Variants in ADGRE3 observed in about 807,000 individuals in gnomAD.
The protein encoded by ADGRE3 is EGF-like module receptor 3.
ADGRE3 carries 88 observed loss-of-function variants against 80.1 expected under a neutral mutation model. The ratio of observed to expected loss-of-function variants is 1.10; its 90% confidence interval spans 0.93 to 1.31. The LOEUF is 1.31. ADGRE3 is among the 40% of genes most tolerant of loss of function. The pLI, the probability that ADGRE3 is intolerant of heterozygous loss-of-function variation, is 0.00. For missense variants in ADGRE3, 715 were observed against 776.5 expected (o/e 0.92, Z 0.94); for synonymous variants, 281 against 294.8 (o/e 0.95, Z 0.48).
intron 11 of ADGRE3, among the ~76,000 whole-genome samples, chr19:14,637,393 C>CTT (rs34233724): frequency 0.096 from 12,239 of 127,408 alleles, 764 homozygotes; most frequent in African/African-American, 0.17. Flanking sequence ...TTTTTAAGCT[C>CTT]TTTTTTTTTT....
intron 14 of ADGRE3, among the ~76,000 whole-genome samples, chr19:14,629,100 T>A (rs1049168924): frequency 1.3e-5 from 2 of 151,942 alleles, no homozygotes; most frequent in Admixed American, 1.3e-4. Context: ...GTTTTGTAGT[T>A]TTTAGTAGAG....
chr19:14,613,558 G>GT, the ADGRE3 span, among the ~76,000 whole-genome samples: 1 of 152,180 alleles, frequency 6.6e-6, no homozygotes, highest in Non-Finnish European at 1.5e-5. Flanking sequence ...AATCTTTCCT[G>GT]TTTTGTCTGA....
intron 5 of ADGRE3, among the ~76,000 whole-genome samples, chr19:14,657,743 A>ATG (rs368474694): frequency 1.6e-3 from 137 of 86,588 alleles, no homozygotes; most frequent in Non-Finnish European, 2.6e-3. Flanking sequence ...ATATATATAT[A>ATG]TATTTTTTTG....
downstream of ADGRE3, among the ~76,000 whole-genome samples, chr19:14,617,464 A>G (rs1210580651): frequency 2.0e-5 from 3 of 149,672 alleles, no homozygotes; most frequent in African/African-American, 7.4e-5. Context: ...ATGGCATGAT[A>G]TTGACTCACT....
downstream of ADGRE3, among the ~76,000 whole-genome samples, chr19:14,615,081 G>A (rs565154206): frequency 6.6e-6 from 1 of 152,066 alleles, no homozygotes; most frequent in Admixed American, 6.6e-5. Flanking sequence ...TGGGCAAACT[G>A]AGGCCCAGAG....
chr19:14,633,823 T>C (rs1433331121), intron 11 of ADGRE3, among the ~76,000 whole-genome samples: 9 of 140,978 alleles, frequency 6.4e-5, no homozygotes, highest in Admixed American at 1.5e-4. Flanking sequence ...GTTGCCCAGG[T>C]TGGAGTGCAG....
intron 4 of ADGRE3, among the ~76,000 whole-genome samples, chr19:14,661,295 G>A (rs1043104920): frequency 4.6e-5 from 7 of 152,200 alleles, no homozygotes; most frequent in African/African-American, 1.7e-4. Context: ...CCAGCCTGCA[G>A]TGAAAGAGAA....
chr19:14,633,054 A>C, intron 12 of ADGRE3, 42 bp from the exon 13 acceptor site: 1 of 1,479,780 alleles, frequency 6.8e-7, no homozygotes, highest in Non-Finnish European at 9.4e-7. Flanking sequence ...AAGTTAAAGT[A>C]ATGTATGGTG....
Position 14,641,468 on chromosome 19 carries a change from A to T in ADGRE3, c.1199T>A (p.Phe400Tyr). The T allele has an allele frequency of 6.2e-7, 1 of 1,614,160 alleles. No individual in the cohort carries two copies. The highest frequency in any genetic ancestry group is 1.1e-5 in the South Asian group (1 of 91,082). ...SLHLQLSLCL[F>Y]LAHLLFLVGI... ...CACGAGGAAGAGGAGGTGGGCCAGG[A>T]AGAGGCAGAGCGAGAGCTGCAGATG... is the stretch of plus-strand genomic sequence containing the variant. Residue 400 changes from phenylalanine to tyrosine, a missense_variant, in exon 10 of 16, where the codon TTC (phenylalanine) becomes TAC (tyrosine). Transcript: ENST00000253673.
intron 15 of ADGRE3, among the ~76,000 whole-genome samples, chr19:14,620,537 T>TATATATATATAA (rs1415988959): frequency 5.4e-5 from 1 of 18,448 alleles, no homozygotes; most frequent in African/African-American, 3.1e-4. Flanking sequence ...TATATATATT[T>TATATATATATAA]TATATATATA....
Position 14,661,971 on chromosome 19 carries a change from G to T in ADGRE3, c.347C>A (p.Thr116Asn), listed in dbSNP as rs371039028. ...NEQFSNSNEN[T>N]CQDTTSSKTT... ...GACAAAAATGTTCTTACCCTGACAGGTGTTCTCATTGGAATTACTGAATTG... is the reference window on the plus strand; with the variant it reads ...GACAAAAATGTTCTTACCCTGACAGTTGTTCTCATTGGAATTACTGAATTG... Residue 116 changes from threonine to asparagine, a missense_variant, in exon 4 of 16, where the codon ACC (threonine) becomes AAC (asparagine). Physicochemically the swap from Thr to Asn is moderately conservative, Grantham distance 65 (BLOSUM62 0). Transcript: ENST00000253673. The T allele has an allele frequency of 6.2e-7, 1 of 1,614,100 alleles. No individual in the cohort carries two copies.
chr19:14,674,744 A>G lies in ADGRE3; in HGVS notation c.25+2T>C. ...CTCAGTCATTGTTACAGTCACACAT[A>G]CCTGGAAGAAGCAATGGTCCCTGCA... On this transcript the variant is annotated splice_donor_variant, in intron 1 of 15. Transcript: ENST00000253673. LOFTEE classifies it high-confidence loss of function. 1 of 1,613,824 alleles carries G rather than the reference A, an allele frequency of 6.2e-7. No individual in the cohort carries two copies. The highest frequency in any genetic ancestry group is 8.5e-7 in the Non-Finnish European group (1 of 1,179,874).
chr19:14,653,461 A>G (rs1319239858), intron 6 of ADGRE3, among the ~76,000 whole-genome samples: 1 of 152,014 alleles, frequency 6.6e-6, no homozygotes, highest in Non-Finnish European at 1.5e-5. Flanking sequence ...AAGATAGAAT[A>G]ATCATAATTA....
chr19:14,610,313 A>G, the ADGRE3 span: 2 of 1,411,316 alleles, frequency 1.4e-6, no homozygotes, highest in Non-Finnish European at 1.9e-6. Flanking sequence ...TGCCTCAAAC[A>G]GGATTGGCAC....
At position 14,641,627 on chromosome 19, in the gene ADGRE3, G is replaced by A. The variant is rs1305209254; in HGVS notation, c.1051-11C>T. 6.2e-7 allele frequency: 1 copy of A among 1,613,608 alleles called. No homozygotes were observed. The highest frequency in any genetic ancestry group is 8.5e-7 in the Non-Finnish European group (1 of 1,179,832). Reference sequence around the variant, plus strand: ...CACGGGATCCTCCTCCTGGGACCGAGAAAAAAAGTTCACAGTGATGCTTTC... The same window carrying A: ...CACGGGATCCTCCTCCTGGGACCGAAAAAAAAAGTTCACAGTGATGCTTTC... On this transcript the variant is annotated splice_polypyrimidine_tract_variant and intron_variant, in intron 9 of 15. Transcript: ENST00000253673.
chr19:14,664,956 C>T (rs757545417), intron 2 of ADGRE3, among the ~76,000 whole-genome samples: 14 of 151,342 alleles, frequency 9.3e-5, no homozygotes, highest in Non-Finnish European at 5.9e-5. Flanking sequence ...TTTTTCTTTA[C>T]GTTATAGGAA....
At chr19:14,609,779 A>G in the ADGRE3 span, among the ~76,000 whole-genome samples, 8 of 152,026 alleles carry the variant, frequency 5.3e-5, no homozygotes, top group South Asian at 1.7e-3. Context: ...CAGAGGTTGC[A>G]GTGAGCCGAG....
Position 14,644,304 on chromosome 19 carries a change from T to C in ADGRE3, c.883-29A>G, listed in dbSNP as rs995496553. The C allele has an allele frequency of 2.8e-6, 4 of 1,409,316 alleles. No homozygotes were observed. In the African/African-American group the frequency reaches 4.5e-5, roughly 16 times the overall value. 87.3% of individuals were successfully genotyped at this position (1,409,316 alleles called of 1,614,324 possible). On this transcript the variant is annotated intron_variant, in intron 8 of 15. Coordinates refer to ENST00000253673, the MANE Select transcript of ADGRE3 (RefSeq NM_032571.5). ...AAAATAGAAAATAGAAAGGGCTCATTGTCTTTGTCTTTCTTTCTTTCTTTT... is the reference window on the plus strand; with the variant it reads ...AAAATAGAAAATAGAAAGGGCTCATCGTCTTTGTCTTTCTTTCTTTCTTTT...
At chr19:14,620,548 T>TAATATATATATATAATATATA in intron 15 of ADGRE3, among the ~76,000 whole-genome samples, 1 of 24,982 alleles carries the variant, frequency 4.0e-5, no homozygotes. Flanking sequence ...TATATATATA[T>TAATATATATATATAATATATA]TATATATATA....
Sources: gnomAD v4.1 joint callset for allele counts (sites outside exome capture counted in the v4.1 genomes callset) on GRCh38, gnomAD v4.1.1 for gene constraint, MANE v1.5 for transcripts, NCBI Gene and HGNC (gene_info 2026-07-23, HGNC 2026-07-21) for gene names.